Variants in TCAF1 observed in about 807,000 individuals in gnomAD.
TCAF1 encodes TRPM8 channel associated factor 1.
In TCAF1, 4 loss-of-function variants were observed where a neutral mutation model predicts 27.3. The ratio of observed to expected loss-of-function variants is 0.15; its 90% CI spans 0.07 to 0.34. TCAF1 has a LOEUF of 0.34. Ranked by LOEUF, TCAF1 falls within the 10% of genes least tolerant of loss-of-function variation. The probability of loss-of-function intolerance (pLI) is 1.00; values close to 1 mark genes in which losing one functional copy is unlikely to be tolerated. For synonymous variants in TCAF1, 105 were observed against 167.1 expected (o/e 0.63, Z 2.87); for missense variants, 257 against 425.8 (o/e 0.60, Z 3.49).
At chr7:143,882,219 C>G (rs1813079806) in intron 1 of TCAF1, 1 of 178,826 alleles carries the variant, frequency 5.6e-6, no homozygotes, top group Non-Finnish European at 1.1e-5. Context: ...CACACACACA[C>G]GAACGCTCAC....
chr7:143,893,979 A>T (rs1562972708), intron 1 of TCAF1, among the ~76,000 whole-genome samples: 1 of 151,778 alleles, frequency 6.6e-6, no homozygotes, highest in Admixed American at 6.6e-5. Context: ...AATGAACCAA[A>T]CTAAGAATGA....
At chr7:143,860,019 ATTATATATTAT>A (rs1811913388) in intron 6 of TCAF1, among the ~76,000 whole-genome samples, 178 bp downstream of exon 6, 1 of 47,444 alleles carries the variant, frequency 2.1e-5, no homozygotes, top group Non-Finnish European at 4.1e-5. Flanking sequence ...TATAATATAT[ATTATATATTAT>A]ATATATAATA....
At chr7:143,885,025 G>A (rs2116829262) in intron 1 of TCAF1, 6 of 985,364 alleles carry the variant, frequency 6.1e-6, no homozygotes, top group East Asian at 1.1e-4. Flanking sequence ...GGGGTCCCAG[G>A]CCAAAAACGC....
chr7:143,899,445 G>A (rs1368541406), intron 1 of TCAF1, among the ~76,000 whole-genome samples: 1 of 152,130 alleles, frequency 6.6e-6, no homozygotes, highest in Admixed American at 6.5e-5. Context: ...CTGGTGCTGG[G>A]GCAACAGATT....
At chr7:143,882,972 C>A in intron 1 of TCAF1, 2 of 722,252 alleles carry the variant, frequency 2.8e-6, no homozygotes, top group Non-Finnish European at 3.4e-6. Context: ...CGGGGGACAG[C>A]GCTTCTTTGT....
At chr7:143,890,127 TA>T (rs1813577573) in intron 1 of TCAF1, among the ~76,000 whole-genome samples, 2 of 152,088 alleles carry the variant, frequency 1.3e-5, no homozygotes, top group South Asian at 4.2e-4. Flanking sequence ...TAGCTGGGAC[TA>T]CAGGCACCCG....
intron 1 of TCAF1, chr7:143,885,451 C>T (rs1244833661): frequency 1.3e-5 from 13 of 985,288 alleles, no homozygotes; most frequent in Non-Finnish European, 1.6e-5. Flanking sequence ...ACCGCAGAGG[C>T]CCGGCTTTGT....
chr7:143,897,349 T>C (rs1813932155), intron 1 of TCAF1, among the ~76,000 whole-genome samples: 1 of 151,516 alleles, frequency 6.6e-6, no homozygotes, highest in Admixed American at 6.6e-5. Flanking sequence ...GATTCACTTT[T>C]ACTTAATGAA....
chr7:143,886,917 G>A (rs4457247), intron 1 of TCAF1, among the ~76,000 whole-genome samples: 1 of 145,248 alleles, frequency 6.9e-6, no homozygotes, highest in Non-Finnish European at 1.5e-5. Flanking sequence ...TTGTTGCCCA[G>A]ACTGGTCTTG....
intron 1 of TCAF1, among the ~76,000 whole-genome samples, chr7:143,894,381 T>G (rs150944414): frequency 2.6e-4 from 40 of 151,896 alleles, no homozygotes; most frequent in Middle Eastern, 3.4e-3. Context: ...CAGCATAACT[T>G]TGATAGCAAA....
chr7:143,880,120 AATT>A (rs1424245388), intron 1 of TCAF1, among the ~76,000 whole-genome samples: 2 of 152,236 alleles, frequency 1.3e-5, no homozygotes, highest in Non-Finnish European at 2.9e-5. Flanking sequence ...TAGTGGTAGT[AATT>A]ATTATTAGTA....
intron 1 of TCAF1, among the ~76,000 whole-genome samples, chr7:143,886,994 C>T (rs1813441223): frequency 6.6e-6 from 1 of 151,700 alleles, no homozygotes; most frequent in South Asian, 2.1e-4. Context: ...GCATAAGCCA[C>T]CCTGTCTGGC....
intron 1 of TCAF1, among the ~76,000 whole-genome samples, chr7:143,895,106 A>C (rs1813812077): frequency 6.6e-6 from 1 of 151,864 alleles, no homozygotes; most frequent in African/African-American, 2.4e-5. Flanking sequence ...GAGCTGATGA[A>C]CTTATATATA....
chr7:143,895,595 C>T (rs1273088829), intron 1 of TCAF1, among the ~76,000 whole-genome samples: 1 of 151,554 alleles, frequency 6.6e-6, no homozygotes, highest in Non-Finnish European at 1.5e-5. Flanking sequence ...GATCTGTACA[C>T]TTATTATTTG....
At chr7:143,874,833 C>A (rs535260480) in intron 2 of TCAF1, among the ~76,000 whole-genome samples, 35 of 152,226 alleles carry the variant, frequency 2.3e-4, no homozygotes, top group African/African-American at 6.0e-4. Context: ...TGTTCCTGTG[C>A]CCCTAATTCT....
At chr7:143,879,305 T>C (rs1009522113) in intron 1 of TCAF1, among the ~76,000 whole-genome samples, 7 of 152,178 alleles carry the variant, frequency 4.6e-5, no homozygotes, top group African/African-American at 1.2e-4. Flanking sequence ...CATGTGTTGC[T>C]CATAATATTG....
intron 2 of TCAF1, among the ~76,000 whole-genome samples, chr7:143,872,035 C>A (rs1812478008): frequency 1.5e-5 from 1 of 66,100 alleles, no homozygotes. Context: ...AATGTGTGAA[C>A]TGAGTGTAAT....
rs1406764667 is a variant in TCAF1, at chr7:143,852,408, C to T, written c.*1725G>A. 1 of 152,366 alleles carries T rather than the reference C, an allele frequency of 6.6e-6. No homozygotes were observed. The highest frequency in any genetic ancestry group is 1.5e-5 in the Non-Finnish European group (1 of 68,200). 9.4% of individuals were successfully genotyped at this position (152,366 alleles called of 1,614,324 possible). ...AGAATGAGACATCCTAAGTAAGGTC[C>T]ACTGTTTTATGGATCCCATTTCTTC... On this transcript the variant is annotated 3_prime_UTR_variant, in exon 9 of 9. Coordinates refer to ENST00000479870, the MANE Select transcript of TCAF1 (RefSeq NM_014719.3).
intron 1 of TCAF1, among the ~76,000 whole-genome samples, chr7:143,886,986 A>G (rs1050590528): frequency 9.2e-5 from 14 of 151,376 alleles, no homozygotes; most frequent in Non-Finnish European, 1.2e-4. Context: ...GATTACAGGC[A>G]TAAGCCACCC....
Sources: allele counts gnomAD v4.1 joint callset (sites outside exome capture counted in the v4.1 genomes callset), GRCh38; gene constraint gnomAD v4.1.1; transcripts MANE v1.5; gene names NCBI Gene and HGNC (gene_info 2026-07-23, HGNC 2026-07-21).